DNAAF9: variants seen among roughly 807,000 people sequenced by gnomAD.
DNAAF9 encodes the protein dynein axonemal assembly factor 9, also known as shulin.
A neutral mutation model predicts 167.0 loss-of-function variants in DNAAF9; 90 were observed. The observed-to-expected ratio is 0.54, with a 90% CI of 0.45 to 0.64. The LOEUF is 0.64. Ranked by LOEUF, DNAAF9 falls within the 30% of genes least tolerant of loss-of-function variation. DNAAF9 has a pLI of 0.00. For missense variants in DNAAF9, 1,315 were observed against 1,442.2 expected (o/e 0.91, Z 1.43); for synonymous variants, 491 against 508.8 (o/e 0.96, Z 0.47).
chr20:3,403,698 T>C (rs2084018480), intron 1 of DNAAF9, among the ~76,000 whole-genome samples: 1 of 152,060 alleles, frequency 6.6e-6, no homozygotes, highest in African/African-American at 2.4e-5. Flanking sequence ...CGACACCTCA[T>C]GATCTTCCAA....
intron 6 of DNAAF9, among the ~76,000 whole-genome samples, chr20:3,369,574 G>T (rs1403548552): frequency 1.1e-4 from 17 of 151,834 alleles, no homozygotes; most frequent in Non-Finnish European, 2.5e-4. Flanking sequence ...CGGGGGTCTC[G>T]CTGTGTTGAC....
Position 3,375,145 on chromosome 20 carries a change from A to C in DNAAF9, c.409-19T>G, listed in dbSNP as rs780836389. On this transcript the variant is annotated intron_variant, in intron 4 of 36. Coordinates refer to ENST00000252032, the MANE Select transcript of DNAAF9 (RefSeq NM_001009984.3). Reference sequence around the variant, plus strand: ...CTTCATACTGAAGAGACAAATCAAAAGAAAAATAAGCTCTGATGAGATATC... The same window carrying C: ...CTTCATACTGAAGAGACAAATCAAACGAAAAATAAGCTCTGATGAGATATC... 2 of 1,402,730 alleles carry C rather than the reference A, an allele frequency of 1.4e-6. No individual in the cohort carries two copies. Among genetic ancestry groups the C allele is most frequent in the Non-Finnish European group, 2.0e-6 (2 of 989,144 alleles). The allele number at this position is 1,402,730 out of a possible 1,614,324, so 86.9% of individuals were successfully genotyped here.
chr20:3,266,748 A>T (rs2068497375), intron 30 of DNAAF9, among the ~76,000 whole-genome samples: 1 of 151,978 alleles, frequency 6.6e-6, no homozygotes, highest in South Asian at 2.1e-4. Context: ...AAGTGCTGGG[A>T]TTACTGGCCT....
At chr20:3,343,384 T>G (rs995858996) in intron 9 of DNAAF9, among the ~76,000 whole-genome samples, 8 of 152,136 alleles carry the variant, frequency 5.3e-5, no homozygotes, top group African/African-American at 9.7e-5. Context: ...TGACCTCAGG[T>G]GATCTGCCCA....
chr20:3,381,230 T>C (rs2083647636), intron 3 of DNAAF9, 149 bp downstream of exon 3: 2 of 559,996 alleles, frequency 3.6e-6, no homozygotes. Flanking sequence ...AAAGAAAAAA[T>C]GCCGTTTTTT....
chr20:3,388,590 C>T (rs1365501213), intron 1 of DNAAF9, among the ~76,000 whole-genome samples: 4 of 152,166 alleles, frequency 2.6e-5, no homozygotes, highest in African/African-American at 9.7e-5. Context: ...GATACATACA[C>T]ACAATGGAAT....
intron 20 of DNAAF9, among the ~76,000 whole-genome samples, chr20:3,310,641 C>A (rs543534157): frequency 6.6e-6 from 1 of 151,152 alleles, no homozygotes; most frequent in Non-Finnish European, 1.5e-5. Flanking sequence ...GCTGAGATTG[C>A]GCCACTGCAC....
intron 1 of DNAAF9, among the ~76,000 whole-genome samples, chr20:3,403,587 G>A (rs2084017146): frequency 6.7e-6 from 1 of 149,132 alleles, no homozygotes; most frequent in Non-Finnish European, 1.5e-5. Flanking sequence ...ACCCTTGCAA[G>A]TGTCACTTCT....
chr20:3,391,521 AC>A (rs1268438889), intron 1 of DNAAF9, among the ~76,000 whole-genome samples: 1 of 142,538 alleles, frequency 7.0e-6, no homozygotes, highest in African/African-American at 2.6e-5. Context: ...ATTGATCCTC[AC>A]CCCCCAGAGG....
chr20:3,362,061 A>T (rs2083371432), intron 6 of DNAAF9: 8 of 1,434,352 alleles, frequency 5.6e-6, no homozygotes, highest in Non-Finnish European at 6.8e-6. Flanking sequence ...ATTCATATTA[A>T]TTTTTTGTTA....
Position 3,296,892 on chromosome 20 carries a change from C to T in DNAAF9, c.1987G>A (p.Glu663Lys), listed in dbSNP as rs2069090327. 1 of 1,611,234 alleles carries T rather than the reference C, an allele frequency of 6.2e-7. No homozygotes were observed. The change falls in exon 23 of 37, where the codon GAA becomes AAA. Residue 663 changes from glutamate to lysine, a missense_variant. By Grantham distance (56) the Glu-to-Lys change is moderately conservative. This residue lies in a region of DNAAF9 where 981 missense variants were observed against 1,012.5 expected (regional missense o/e 0.97). Coordinates refer to ENST00000252032, the MANE Select transcript of DNAAF9 (RefSeq NM_001009984.3). ...NSGISLKVIQ[E>K]DGLSVEQKRL... ...TTTTGTTCCACAGATAATCCATCTTCCTGGATCACTTTTAAAGAGATCCCT... is the reference window on the plus strand; with the variant it reads ...TTTTGTTCCACAGATAATCCATCTTTCTGGATCACTTTTAAAGAGATCCCT...
At chr20:3,365,866 T>A (rs1336387997) in intron 6 of DNAAF9, among the ~76,000 whole-genome samples, 2 of 152,216 alleles carry the variant, frequency 1.3e-5, no homozygotes, top group African/African-American at 4.8e-5. Context: ...AACCACTTTC[T>A]TTACTCATCC....
intron 1 of DNAAF9, among the ~76,000 whole-genome samples, chr20:3,399,450 C>T (rs1443053407): frequency 1.3e-5 from 2 of 152,066 alleles, no homozygotes; most frequent in African/African-American, 4.8e-5. Context: ...CCTTGCGATC[C>T]GCCCGCCTCG....
chr20:3,269,510 G>A (rs59424857), intron 30 of DNAAF9, among the ~76,000 whole-genome samples: 1 of 152,070 alleles, frequency 6.6e-6, no homozygotes, highest in Non-Finnish European at 1.5e-5. Flanking sequence ...CCTTCTCTAC[G>A]TTCTCTATGC....
At position 3,250,811 on chromosome 20, in the gene DNAAF9, C is replaced by T. The variant is rs1543435; in HGVS notation, c.*1761G>A. On this transcript the variant is annotated 3_prime_UTR_variant, in exon 37 of 37. Transcript: ENST00000252032. Reference sequence around the variant, plus strand: ...TTAGAGAAATGGCCTGTGGTTCCCACCCCCCAACCCCTTTTCTAAGGCTGC... The same window carrying T: ...TTAGAGAAATGGCCTGTGGTTCCCATCCCCCAACCCCTTTTCTAAGGCTGC... 6.6e-6 allele frequency: 1 copy of T among 152,030 alleles called. No homozygotes were observed. Among genetic ancestry groups the T allele is most frequent in the Non-Finnish European group, 1.5e-5 (1 of 68,012 alleles). The allele number at this position is 152,030 out of a possible 1,614,324, so 9.4% of individuals were successfully genotyped here. A position where few individuals can be genotyped will look rare whatever the true frequency, so the allele number is the denominator to read the frequency against.
At chr20:3,364,600 C>G (rs1176684946) in intron 6 of DNAAF9, among the ~76,000 whole-genome samples, 1 of 152,144 alleles carries the variant, frequency 6.6e-6, no homozygotes, top group Non-Finnish European at 1.5e-5. Context: ...TGCAATAAAG[C>G]AAGTCACACA....
intron 8 of DNAAF9, among the ~76,000 whole-genome samples, chr20:3,347,703 G>A (rs1341990739): frequency 6.6e-6 from 1 of 152,104 alleles, no homozygotes; most frequent in Non-Finnish European, 1.5e-5. Context: ...TGAGGCGGGC[G>A]ATTGAGATCA....
intron 30 of DNAAF9, among the ~76,000 whole-genome samples, chr20:3,270,136 C>CTTTTT (rs56942768): frequency 1.2e-4 from 15 of 125,472 alleles, no homozygotes; most frequent in African/African-American, 4.3e-4. Flanking sequence ...GCCCAGCCTG[C>CTTTTT]TTTTTTTTTT....
At chr20:3,282,767 C>G (rs2281502) in intron 27 of DNAAF9, among the ~76,000 whole-genome samples, 39,368 of 152,070 alleles carry the variant, frequency 0.26, 5,353 homozygotes, top group East Asian at 0.37. Context: ...TCTTTGCCCC[C>G]CTGCCTGGAA....
Sources: gnomAD v4.1 joint callset for allele counts (sites outside exome capture counted in the v4.1 genomes callset) on GRCh38, gnomAD v4.1.1 for gene constraint, gnomAD v4.1.1 regional missense constraint, MANE v1.5 for transcripts, NCBI Gene and HGNC (gene_info 2026-07-23, HGNC 2026-07-21) for gene names.